The following GMDS variants were observed in gnomAD, a reference collection of about 807,000 sequenced individuals.
GMDS encodes the protein GDP-mannose 4,6 dehydratase.
In GMDS, 20 loss-of-function variants were observed where a neutral mutation model predicts 49.9. The ratio of observed to expected loss-of-function variants is 0.40; its 90% CI spans 0.28 to 0.58. The LOEUF (loss-of-function observed/expected upper bound fraction) is 0.58, where lower values mean the gene tolerates loss of function less well. Among genes scored for constraint, GMDS ranks in the 20% least tolerant of loss-of-function variants. GMDS has a pLI of 0.42. For synonymous variants in GMDS, 177 were observed against 178.6 expected, an observed-to-expected ratio of 0.99 and a Z score of 0.07; for missense variants, 362 against 481.4, an observed-to-expected ratio of 0.75 and a Z score of 2.32.
intron 9 of GMDS, among the ~76,000 whole-genome samples, chr6:1,670,379 T>G (rs901812490): frequency 2.6e-5 from 4 of 151,826 alleles, no homozygotes; most frequent in African/African-American, 9.7e-5. Flanking sequence ...GGTTTTTTTT[T>G]TTTTTCACCT....
At chr6:1,642,653 C>T (rs1763367097) in intron 9 of GMDS, among the ~76,000 whole-genome samples, 1 of 152,176 alleles carries the variant, frequency 6.6e-6, no homozygotes, top group Middle Eastern at 3.2e-3. Context: ...GACCATCGTC[C>T]TGAGTCCTTA....
chr6:1,707,573 C>G (rs1416462087), intron 9 of GMDS, among the ~76,000 whole-genome samples: 1 of 151,794 alleles, frequency 6.6e-6, no homozygotes, highest in Non-Finnish European at 1.5e-5. Flanking sequence ...CCACCACACA[C>G]AGGCCTGGGA....
intron 4 of GMDS, among the ~76,000 whole-genome samples, chr6:2,081,584 GAA>G (rs143527333): frequency 6.7e-6 from 1 of 149,842 alleles, no homozygotes; most frequent in African/African-American, 2.4e-5. Flanking sequence ...CTTTGAGGGG[GAA>G]AAAAAAAGCC....
chr6:2,154,775 C>T (rs944749387), intron 1 of GMDS, among the ~76,000 whole-genome samples: 2 of 147,404 alleles, frequency 1.4e-5, no homozygotes, highest in Admixed American at 7.0e-5. Flanking sequence ...TTATCACTAA[C>T]GACCTGAACT....
intron 1 of GMDS, among the ~76,000 whole-genome samples, chr6:2,163,606 A>T (rs2127547851): frequency 6.6e-6 from 1 of 152,340 alleles, no homozygotes; most frequent in South Asian, 2.1e-4. Context: ...TTTTAATTTG[A>T]GTCCAAAGGG....
intron 4 of GMDS, among the ~76,000 whole-genome samples, chr6:2,107,589 C>T (rs760169653): frequency 3.3e-5 from 5 of 152,164 alleles, no homozygotes; most frequent in South Asian, 2.1e-4. Context: ...TAAGTTATCA[C>T]GGGGGCTGTG....
chr6:2,105,335 A>T (rs901461638), intron 4 of GMDS, among the ~76,000 whole-genome samples: 5 of 152,188 alleles, frequency 3.3e-5, no homozygotes, highest in African/African-American at 1.2e-4. Flanking sequence ...ATAATAATCG[A>T]CTAACTTCTG....
intron 9 of GMDS, among the ~76,000 whole-genome samples, chr6:1,651,411 G>A (rs1763649479): frequency 6.6e-6 from 1 of 152,244 alleles, no homozygotes; most frequent in Admixed American, 6.5e-5. Context: ...AAAGAACAGG[G>A]AAGGGAGGTA....
intron 4 of GMDS, among the ~76,000 whole-genome samples, 160 bp downstream of exon 4, chr6:2,115,611 A>G (rs536397828): frequency 6.6e-6 from 1 of 152,250 alleles, no homozygotes; most frequent in African/African-American, 2.4e-5. Flanking sequence ...TAAAAAATCT[A>G]TGAGTACTTC....
chr6:2,171,159 A>C (rs1001165708), intron 1 of GMDS, among the ~76,000 whole-genome samples: 13 of 152,200 alleles, frequency 8.5e-5, no homozygotes, highest in African/African-American at 3.1e-4. Flanking sequence ...TGTGCTTCTT[A>C]ATCTTAAGAG....
chr6:1,779,578 A>G (rs1768991451), intron 7 of GMDS, among the ~76,000 whole-genome samples: 2 of 152,164 alleles, frequency 1.3e-5, no homozygotes, highest in African/African-American at 4.8e-5. Flanking sequence ...CATGTCCTCC[A>G]TGAGTGTGCG....
intron 1 of GMDS, among the ~76,000 whole-genome samples, chr6:2,129,545 G>A (rs11242740): frequency 6.6e-6 from 1 of 152,022 alleles, no homozygotes; most frequent in Admixed American, 6.6e-5. Flanking sequence ...CTAATAAAAC[G>A]AATCTCTTTG....
intron 6 of GMDS, among the ~76,000 whole-genome samples, chr6:1,932,696 C>T (rs1762350136): frequency 6.6e-6 from 1 of 151,966 alleles, no homozygotes; most frequent in Non-Finnish European, 1.5e-5. Context: ...CGTCACCACG[C>T]CCAGCTAATT....
chr6:2,124,519 T>C (rs1775311598), intron 2 of GMDS, among the ~76,000 whole-genome samples, 168 bp downstream of exon 2: 1 of 152,186 alleles, frequency 6.6e-6, no homozygotes, highest in Non-Finnish European at 1.5e-5. Context: ...AACAGCACAA[T>C]GGGTTGGCAG....
chr6:2,155,172 C>A (rs1409824256), intron 1 of GMDS, among the ~76,000 whole-genome samples: 1 of 152,022 alleles, frequency 6.6e-6, no homozygotes, highest in Non-Finnish European at 1.5e-5. Flanking sequence ...TTTATATGCC[C>A]AATCTGATAT....
At chr6:1,857,628 T>C (rs1161762666) in intron 7 of GMDS, among the ~76,000 whole-genome samples, 1 of 152,226 alleles carries the variant, frequency 6.6e-6, no homozygotes, top group Non-Finnish European at 1.5e-5. Flanking sequence ...AAGCAGAATG[T>C]ACACCTCCCT....
intron 4 of GMDS, among the ~76,000 whole-genome samples, chr6:1,969,066 C>G (rs1164152113): frequency 6.6e-6 from 1 of 151,620 alleles, no homozygotes; most frequent in Non-Finnish European, 1.5e-5. Context: ...TCAAGACCAT[C>G]CTGGCTAACA....
chr6:1,707,770 T>C (rs942173974), intron 9 of GMDS, among the ~76,000 whole-genome samples: 3 of 152,212 alleles, frequency 2.0e-5, no homozygotes, highest in Non-Finnish European at 4.4e-5. Flanking sequence ...GATTTGGACG[T>C]TGGAAAGTGC....
chr6:2,171,741 G>A (rs971874599), intron 1 of GMDS, among the ~76,000 whole-genome samples: 1 of 152,050 alleles, frequency 6.6e-6, no homozygotes, highest in Non-Finnish European at 1.5e-5. Context: ...GAAAGCATCA[G>A]GAAAGTCTTC....
Sources: gnomAD v4.1 joint callset for allele counts (sites outside exome capture counted in the v4.1 genomes callset) on GRCh38, gnomAD v4.1.1 for gene constraint, MANE v1.5 for transcripts, NCBI Gene and HGNC (gene_info 2026-07-23, HGNC 2026-07-21) for gene names.